Variants in FER observed in about 807,000 individuals in gnomAD.
FER encodes FER tyrosine kinase.
In FER, 63 loss-of-function variants were observed where a neutral mutation model predicts 111.0. That is an observed-to-expected ratio of 0.57 (90% CI 0.46 to 0.70). The LOEUF (loss-of-function observed/expected upper bound fraction) is 0.70, where lower values mean the gene tolerates loss of function less well. FER is among the 30% of genes least tolerant of loss of function. The pLI is 0.00. For missense variants in FER, 914 were observed against 954.0 expected, an observed-to-expected ratio of 0.96 and a Z score of 0.55; for synonymous variants, 327 against 313.9, an observed-to-expected ratio of 1.04 and a Z score of -0.44.
At chr5:109,013,570 T>C (rs1271522364) in intron 13 of FER, among the ~76,000 whole-genome samples, 2 of 149,500 alleles carry the variant, frequency 1.3e-5, no homozygotes, top group African/African-American at 2.5e-5. Flanking sequence ...AGCAGCATGA[T>C]TTATAGTCCT....
chr5:108,761,604 G>A (rs1362893058), intron 1 of FER, among the ~76,000 whole-genome samples: 1 of 152,204 alleles, frequency 6.6e-6, no homozygotes, highest in Non-Finnish European at 1.5e-5. Context: ...ATGTAACACA[G>A]AGGCGTGAAA....
chr5:108,830,605 G>A (rs1759942401), intron 3 of FER: 1 of 152,196 alleles, frequency 6.6e-6, no homozygotes, highest in Non-Finnish European at 1.5e-5. Flanking sequence ...AGGAGCATGA[G>A]AGTGTACCAT....
intron 10 of FER, among the ~76,000 whole-genome samples, chr5:108,916,026 G>C (rs1462299390): frequency 1.3e-5 from 2 of 152,080 alleles, no homozygotes; most frequent in East Asian, 3.9e-4. Context: ...CATTTTTATT[G>C]ACTACTGACT....
intron 5 of FER, among the ~76,000 whole-genome samples, chr5:108,861,673 G>C (rs62360777): frequency 6.6e-6 from 1 of 151,876 alleles, no homozygotes; most frequent in Non-Finnish European, 1.5e-5. Context: ...AATTTTAAGA[G>C]CATATGCATT....
chr5:108,942,632 T>C (rs891767261), intron 10 of FER, among the ~76,000 whole-genome samples: 2 of 152,184 alleles, frequency 1.3e-5, no homozygotes, highest in African/African-American at 4.8e-5. Context: ...AGAAGCTATC[T>C]ATCTTTCATT....
intron 4 of FER, among the ~76,000 whole-genome samples, chr5:108,833,274 TAAAAA>T (rs1352049526): frequency 6.6e-6 from 1 of 152,144 alleles, no homozygotes; most frequent in Admixed American, 6.5e-5. Context: ...TTTGCATAAA[TAAAAA>T]AGAAAATACA....
chr5:109,109,292 C>T (rs981952684), intron 17 of FER, among the ~76,000 whole-genome samples: 1 of 152,040 alleles, frequency 6.6e-6, no homozygotes, highest in African/African-American at 2.4e-5. Context: ...TATAAACATA[C>T]ACATGTATGT....
chr5:109,074,512 C>T (rs1337768195), intron 16 of FER, among the ~76,000 whole-genome samples: 1 of 152,156 alleles, frequency 6.6e-6, no homozygotes, highest in Non-Finnish European at 1.5e-5. Context: ...TTAAATTTTC[C>T]CTGGACCCAT....
chr5:109,158,958 G>C (rs939188512), intron 17 of FER, among the ~76,000 whole-genome samples: 1 of 152,038 alleles, frequency 6.6e-6, no homozygotes, highest in Non-Finnish European at 1.5e-5. Flanking sequence ...TTTAAATTCA[G>C]TCATTAAAAA....
At chr5:109,022,126 A>C (rs1306131585) in intron 13 of FER, among the ~76,000 whole-genome samples, 1 of 152,094 alleles carries the variant, frequency 6.6e-6, no homozygotes, top group Admixed American at 6.6e-5. Flanking sequence ...ATGTGCCCAT[A>C]TACAGTCCAT....
At chr5:108,788,628 C>T (rs1454789738) in intron 2 of FER, among the ~76,000 whole-genome samples, 2 of 151,888 alleles carry the variant, frequency 1.3e-5, no homozygotes, top group African/African-American at 4.8e-5. Flanking sequence ...GGTTTCTCCT[C>T]CTTTCAGTCT....
Position 109,044,759 on chromosome 5 carries a change from C to G in FER, c.1793C>G (p.Pro598Arg). The change falls in exon 15 of 20, where the codon CCT (proline) becomes CGT (arginine). Residue 598 changes from proline (P) to arginine (R), a missense_variant. This residue lies in a region of FER where 774 missense variants were observed against 782.6 expected (regional missense o/e 0.99). Transcript: ENST00000281092. ...GTTAAAACATGTAAAGAAGATCTTCCTCAGGAATTGAAAATAAAATTTTTA... is the reference window on the plus strand; with the variant it reads ...GTTAAAACATGTAAAGAAGATCTTCGTCAGGAATTGAAAATAAAATTTTTA... ...VAVKTCKEDL[P>R]QELKIKFLQE... The G allele has an allele frequency of 6.3e-7, 1 of 1,586,362 alleles. No individual in the cohort carries two copies. Among genetic ancestry groups the G allele is most frequent in the Admixed American group, 1.8e-5 (1 of 55,476 alleles).
Position 109,191,952 on chromosome 5 carries a change from G to C in FER, c.*4377G>C, listed in dbSNP as rs1200222257. 1 of 152,030 alleles carries C rather than the reference G, an allele frequency of 6.6e-6. No individual in the cohort carries two copies. Among genetic ancestry groups the C allele is most frequent in the Admixed American group, 6.6e-5 (1 of 15,246 alleles). The allele number at this position is 152,030 out of a possible 1,614,324, so 9.4% of individuals were successfully genotyped here. A position where few individuals can be genotyped will look rare whatever the true frequency, so the allele number is the denominator to read the frequency against. ...TAAAAAAAATGCTGTCCTACAGAAG[G>C]TGTATAAACTATACCTTAGCCATAA... is the stretch of plus-strand genomic sequence containing the variant. On this transcript the variant is annotated 3_prime_UTR_variant, in exon 20 of 20. Transcript: ENST00000281092.
At chr5:108,993,343 C>T (rs1435059206) in intron 13 of FER, among the ~76,000 whole-genome samples, 1 of 152,238 alleles carries the variant, frequency 6.6e-6, no homozygotes, top group East Asian at 1.9e-4. Context: ...TAGAGACCAG[C>T]CCGGCCAACA....
chr5:109,163,032 C>T (rs1582330371), intron 17 of FER, among the ~76,000 whole-genome samples: 2 of 152,168 alleles, frequency 1.3e-5, no homozygotes, highest in African/African-American at 4.8e-5. Flanking sequence ...CCCTAGGGAA[C>T]CACTCATCTG....
At chr5:108,955,043 C>T in intron 12 of FER, 111 bp downstream of exon 12, 3 of 885,024 alleles carry the variant, frequency 3.4e-6, no homozygotes, top group South Asian at 2.5e-5. Context: ...TGAAATTTAG[C>T]ACTTAATTTT....
intron 16 of FER, among the ~76,000 whole-genome samples, chr5:109,058,876 G>T (rs1050513472): frequency 6.6e-6 from 1 of 151,178 alleles, no homozygotes; most frequent in African/African-American, 2.4e-5. Context: ...GGGATTATAG[G>T]AGCCCACCAC....
chr5:108,912,494 T>C (rs960720227), intron 10 of FER, among the ~76,000 whole-genome samples: 1 of 152,226 alleles, frequency 6.6e-6, no homozygotes, highest in Non-Finnish European at 1.5e-5. Flanking sequence ...CTCAAGTAGC[T>C]GGGATTACAG....
chr5:108,958,358 C>G (rs576230884), intron 12 of FER, among the ~76,000 whole-genome samples: 54 of 151,562 alleles, frequency 3.6e-4, no homozygotes, highest in Non-Finnish European at 7.2e-4. Flanking sequence ...ATATATCTTC[C>G]TGGGTATGAG....
Sources: gnomAD v4.1 joint callset for allele counts (sites outside exome capture counted in the v4.1 genomes callset) on GRCh38, gnomAD v4.1.1 for gene constraint, gnomAD v4.1.1 regional missense constraint, MANE v1.5 for transcripts, NCBI Gene and HGNC (gene_info 2026-07-23, HGNC 2026-07-21) for gene names.